The following CLTRN variants were observed in gnomAD, a reference collection of about 807,000 sequenced individuals.
CLTRN encodes the protein collectrin, amino acid transport regulator.
A neutral mutation model predicts 14.5 loss-of-function variants in CLTRN; 12 were observed. That is an observed-to-expected ratio of 0.83 (90% CI 0.53 to 1.34). CLTRN has a LOEUF of 1.34. Among genes scored for constraint, CLTRN ranks in the 40% most tolerant of loss-of-function variants. CLTRN has a pLI of 0.00. For missense variants in CLTRN, 154 were observed against 165.1 expected (o/e 0.93, Z 0.37); for synonymous variants, 58 against 56.5 (o/e 1.03, Z -0.12).
chrX:15,638,718 T>C (rs1277979096), intron 5 of CLTRN, among the ~76,000 whole-genome samples: 4 of 111,985 alleles, frequency 3.6e-5, no homozygotes, highest in African/African-American at 9.8e-5. Context: ...CTGTCTCCTC[T>C]TCTTCTCCAC....
upstream of CLTRN, among the ~76,000 whole-genome samples, chrX:15,668,193 G>C (rs1929657318): frequency 9.0e-6 from 1 of 111,553 alleles, no homozygotes; most frequent in African/African-American, 3.3e-5. Context: ...CTTAGCCTTG[G>C]ATCTCTTTAT....
intron 1 of CLTRN, among the ~76,000 whole-genome samples, chrX:15,674,298 C>G: frequency 9.0e-6 from 1 of 111,706 alleles, no homozygotes; most frequent in East Asian, 2.8e-4. Flanking sequence ...AAACAGAGGT[C>G]TGAATGTGGT....
intron 3 of CLTRN, among the ~76,000 whole-genome samples, chrX:15,655,883 C>G (rs1296205554): frequency 1.2e-4 from 13 of 112,002 alleles, no homozygotes; most frequent in Admixed American, 7.6e-4. Flanking sequence ...ACTTCTCTAC[C>G]TGACTTCAGG....
Position 15,627,966 on chromosome X carries a change from G to A in CLTRN, c.*5C>T, listed in dbSNP as rs779262936. 41 of 1,013,550 alleles carry A rather than the reference G, an allele frequency of 4.0e-5. No homozygotes were observed. The highest frequency in any genetic ancestry group is 5.1e-5 in the Non-Finnish European group (40 of 788,061). 83.5% of individuals were successfully genotyped at this position (1,013,550 alleles called of 1,213,427 possible). On this transcript the variant is annotated 3_prime_UTR_variant, in exon 6 of 6. Transcript: ENST00000380342. ...AATTTCTTGAGGAAGCAGAACAACA[G>A]CCCTTCAGAGAGGGGTGAGCCTCTC...
chrX:15,664,873 A>C, upstream of CLTRN: 1 of 737,133 alleles, frequency 1.4e-6, no homozygotes. Context: ...TTAGAATATC[A>C]GAGAAACAAG....
intron 3 of CLTRN, chrX:15,646,532 C>A (rs1929077067): frequency 3.0e-6 from 1 of 332,911 alleles, no homozygotes; most frequent in South Asian, 2.6e-5. Context: ...GCTCCCAGGT[C>A]CAGGAGAACT....
chrX:15,667,145 G>A (rs1214335274), upstream of CLTRN, among the ~76,000 whole-genome samples: 4 of 111,712 alleles, frequency 3.6e-5, no homozygotes, highest in South Asian at 3.7e-4. Context: ...GCTGAGGCAG[G>A]AGAATTGCTT....
At chrX:15,635,578 G>A (rs897377174) in intron 5 of CLTRN, among the ~76,000 whole-genome samples, 2 of 111,463 alleles carry the variant, frequency 1.8e-5, no homozygotes, top group African/African-American at 3.3e-5. Flanking sequence ...TGGATATCTC[G>A]ATGCAAAAGA....
chrX:15,659,351 A>G (rs1421168523), intron 2 of CLTRN, among the ~76,000 whole-genome samples: 1 of 111,567 alleles, frequency 9.0e-6, no homozygotes, highest in Non-Finnish European at 1.9e-5. Context: ...AACCTGCAGC[A>G]TCAGTACCCA....
intron 5 of CLTRN, among the ~76,000 whole-genome samples, chrX:15,629,507 G>A (rs1214117211): frequency 9.0e-6 from 1 of 111,066 alleles, no homozygotes; most frequent in Non-Finnish European, 1.9e-5. Flanking sequence ...TCCCCTATCA[G>A]TTTTATTGAG....
chrX:15,674,598 A>G (rs1929784007), intron 1 of CLTRN, among the ~76,000 whole-genome samples: 1 of 112,631 alleles, frequency 8.9e-6, no homozygotes, highest in African/African-American at 3.2e-5. Context: ...TGGGAGATAC[A>G]TGGAGAAAGT....
chrX:15,648,661 A>T (rs1387625038), intron 3 of CLTRN, among the ~76,000 whole-genome samples: 2 of 110,587 alleles, frequency 1.8e-5, no homozygotes, highest in Non-Finnish European at 3.8e-5. Context: ...AAATACAAAA[A>T]TTAGCTAGGC....
intron 2 of CLTRN, among the ~76,000 whole-genome samples, chrX:15,662,971 T>C: frequency 9.0e-6 from 1 of 111,356 alleles, no homozygotes; most frequent in Non-Finnish European, 1.9e-5. Flanking sequence ...CTCTTTCTAA[T>C]CTTTACTCTC....
At chrX:15,634,240 T>C (rs1207290776) in intron 5 of CLTRN, among the ~76,000 whole-genome samples, 1 of 111,886 alleles carries the variant, frequency 8.9e-6, no homozygotes, top group Non-Finnish European at 1.9e-5. Flanking sequence ...ATATAGCACT[T>C]TCTAGCATGT....
upstream of CLTRN, among the ~76,000 whole-genome samples, chrX:15,669,644 G>A (rs968832749): frequency 3.6e-5 from 4 of 111,865 alleles, no homozygotes; most frequent in South Asian, 3.7e-4. Context: ...CACATGTGTC[G>A]TTCTTTTGAT....
At position 15,639,742 on chromosome X, in the gene CLTRN, C is replaced by T. The variant is rs147033832; in HGVS notation, c.332G>A (p.Arg111Gln). The change falls in exon 5 of 6, where the codon CGG (arginine) becomes CAG (glutamine). Residue 111 changes from arginine to glutamine, a missense_variant. Arg to Gln is a conservative substitution (Grantham distance 43). Coordinates refer to ENST00000380342, the MANE Select transcript of CLTRN (RefSeq NM_020665.6). ...ATTTAGAAAGAAGGCATTGTTGATCCGGTTCTTGTTCATTCTAAAATGCAA... is the reference window on the plus strand; with the variant it reads ...ATTTAGAAAGAAGGCATTGTTGATCTGGTTCTTGTTCATTCTAAAATGCAA... Reference protein sequence around the residue: ...VQSAIRMNKNRINNAFFLNDQ... With the variant: ...VQSAIRMNKNQINNAFFLNDQ... 73 of 1,198,493 alleles carry T rather than the reference C, an allele frequency of 6.1e-5. No individual in the cohort carries two copies. The highest frequency in any genetic ancestry group is 8.0e-5 in the Non-Finnish European group (71 of 890,542).
intron 1 of CLTRN, among the ~76,000 whole-genome samples, chrX:15,670,613 T>C (rs1371831340): frequency 9.0e-6 from 1 of 111,269 alleles, no homozygotes; most frequent in Non-Finnish European, 1.9e-5. Context: ...TTTTTGTCTA[T>C]TGTGTGTAAG....
chrX:15,653,786 T>G (rs1227962619), intron 3 of CLTRN, among the ~76,000 whole-genome samples: 1 of 111,960 alleles, frequency 8.9e-6, no homozygotes, highest in Non-Finnish European at 1.9e-5. Flanking sequence ...GAAGGGCAGG[T>G]GTAGCTGCAG....
chrX:15,666,526 CAAT>C (rs1486141713), upstream of CLTRN, among the ~76,000 whole-genome samples: 5 of 112,373 alleles, frequency 4.4e-5, no homozygotes, highest in African/African-American at 1.6e-4. Flanking sequence ...AAAATATCAA[CAAT>C]GAGACTTCTG....
Sources: allele counts gnomAD v4.1 joint callset (sites outside exome capture counted in the v4.1 genomes callset), GRCh38; gene constraint gnomAD v4.1.1; transcripts MANE v1.5; gene names NCBI Gene and HGNC (gene_info 2026-07-23, HGNC 2026-07-21).